GLCCI1: variants seen among roughly 807,000 people sequenced by gnomAD.
GLCCI1 encodes the protein glucocorticoid-induced transcript 1 protein.
In GLCCI1, 24 loss-of-function variants were observed where a neutral mutation model predicts 52.2. The ratio of observed to expected loss-of-function variants is 0.46; its 90% CI spans 0.33 to 0.65. The LOEUF is 0.65. Among genes scored for constraint, GLCCI1 ranks in the 30% least tolerant of loss-of-function variants. GLCCI1 has a pLI of 0.02. For missense variants in GLCCI1, 704 were observed against 701.5 expected (o/e 1.00, Z -0.04); for synonymous variants, 310 against 276.5 (o/e 1.12, Z -1.20).
intron 5 of GLCCI1, among the ~76,000 whole-genome samples, chr7:8,066,220 A>G (rs894616008): frequency 3.3e-5 from 5 of 151,926 alleles, no homozygotes; most frequent in African/African-American, 1.2e-4. Context: ...GGGTTTTTTA[A>G]TATTTCTGTG....
At chr7:8,023,949 T>C (rs1350164529) in intron 3 of GLCCI1, among the ~76,000 whole-genome samples, 1 of 152,186 alleles carries the variant, frequency 6.6e-6, no homozygotes, top group African/African-American at 2.4e-5. Context: ...AGAGCCAGTT[T>C]AATTGGTTTA....
chr7:8,064,881 G>GT (rs1315513245), intron 5 of GLCCI1, among the ~76,000 whole-genome samples: 2 of 151,636 alleles, frequency 1.3e-5, no homozygotes, highest in African/African-American at 4.8e-5. Context: ...CGAATTTTTT[G>GT]GTTTTTTTTG....
intron 3 of GLCCI1, among the ~76,000 whole-genome samples, chr7:8,028,602 T>G (rs1451509303): frequency 2.0e-5 from 3 of 151,076 alleles, no homozygotes; most frequent in African/African-American, 4.9e-5. Flanking sequence ...AGAAAAGAAA[T>G]AATAAAGATC....
At chr7:8,023,251 G>A (rs1443758909) in intron 3 of GLCCI1, among the ~76,000 whole-genome samples, 2 of 152,140 alleles carry the variant, frequency 1.3e-5, no homozygotes, top group South Asian at 2.1e-4. Flanking sequence ...TCCTGACCTC[G>A]TGATCCGCCC....
intron 6 of GLCCI1, among the ~76,000 whole-genome samples, chr7:8,079,858 A>G (rs746999435): frequency 1.2e-4 from 18 of 151,618 alleles, no homozygotes; most frequent in Non-Finnish European, 2.4e-4. Flanking sequence ...AAATGTAAGT[A>G]ATAAAAGGTT....
At chr7:8,072,751 C>T (rs945537632) in intron 6 of GLCCI1, among the ~76,000 whole-genome samples, 2 of 152,142 alleles carry the variant, frequency 1.3e-5, no homozygotes, top group African/African-American at 4.8e-5. Context: ...TGCTACTTAA[C>T]ACTTGTAACT....
Position 8,028,686 on chromosome 7 carries a change from G to T in GLCCI1, c.696+6117G>T, listed in dbSNP as rs1165975721. 2.6e-5 allele frequency among the ~76,000 whole-genome samples: 4 copies of T among 151,490 alleles called. No individual in the cohort carries two copies. The East Asian group carries it at 7.7e-4, about 29-fold the overall frequency. On this transcript the variant is annotated intron_variant, in intron 3 of 7. Coordinates refer to ENST00000223145, the MANE Select transcript of GLCCI1 (RefSeq NM_138426.4). Reference sequence around the variant, plus strand: ...GACTGAAATTAAAAGTTAGTTTTTTGAAAAGATAAAATTGACAAACCTGTA... The same window carrying T: ...GACTGAAATTAAAAGTTAGTTTTTTTAAAAGATAAAATTGACAAACCTGTA...
At chr7:8,060,067 T>C in intron 4 of GLCCI1, 29 bp from the exon 5 acceptor site, 1 of 1,576,024 alleles carries the variant, frequency 6.3e-7, no homozygotes. Flanking sequence ...CCACAAATAA[T>C]TTGATACCAC....
chr7:8,060,074 C>CCA, intron 4 of GLCCI1, 22 bp from the exon 5 acceptor site: 1 of 1,579,850 alleles, frequency 6.3e-7, no homozygotes, highest in Non-Finnish European at 8.6e-7. Context: ...TAATTTGATA[C>CCA]CACCTTTATC....
At chr7:8,085,771 C>CG (rs1280143634) in intron 7 of GLCCI1, among the ~76,000 whole-genome samples, 1 of 152,022 alleles carries the variant, frequency 6.6e-6, no homozygotes, top group Non-Finnish European at 1.5e-5. Context: ...TCTGTGCTAG[C>CG]GGAAGTCTAT....
intron 1 of GLCCI1, chr7:7,970,648 T>G (rs1329096480): frequency 1.3e-5 from 2 of 152,926 alleles, no homozygotes; most frequent in East Asian, 3.8e-4. Context: ...AGCTGGTGGA[T>G]GCTGTGGGTT....
chr7:8,017,704 G>A (rs199978065), intron 2 of GLCCI1, among the ~76,000 whole-genome samples: 4 of 152,096 alleles, frequency 2.6e-5, no homozygotes, highest in East Asian at 3.9e-4. Flanking sequence ...AAAACCTTCC[G>A]ACTTTACATA....
Position 8,086,536 on chromosome 7 carries a change from T to TA in GLCCI1, c.*4dup, listed in dbSNP as rs751454391. 4.6e-5 allele frequency: 73 copies of TA among 1,575,070 alleles called. No individual in the cohort carries two copies. The highest frequency in any genetic ancestry group is 5.9e-5 in the Non-Finnish European group (69 of 1,163,016). ...HISAQNYVII[*] is the part of the protein sequence containing the mutation. The stretch of plus-strand genomic sequence containing the variant: ...CTCTGCTCAGAACTATGTGATCATC[T>TA]AAAAAAGGGGGAGCTGGCCTCCACC... The change falls in exon 8 of 8, where the codon TAA becomes TAAA. Residue 548 remains the stop codon, a frameshift_variant and stop_retained_variant. Coordinates refer to ENST00000223145, the MANE Select transcript of GLCCI1 (RefSeq NM_138426.4). LOFTEE classifies it high-confidence loss of function. The surrounding 1 kb of genome is among the most constrained non-coding windows in gnomAD (Gnocchi z 4.4).
chr7:8,059,165 G>T (rs1319422911), intron 4 of GLCCI1, among the ~76,000 whole-genome samples: 2 of 151,842 alleles, frequency 1.3e-5, no homozygotes, highest in African/African-American at 4.8e-5. Context: ...GTTGTTCGAG[G>T]GTCAACAGTA....
intron 3 of GLCCI1, among the ~76,000 whole-genome samples, 182 bp from the exon 4 acceptor site, chr7:8,055,251 A>G (rs1484578191): frequency 6.6e-6 from 1 of 152,262 alleles, no homozygotes; most frequent in Admixed American, 6.5e-5. Context: ...TTTGTAGCAT[A>G]TATTTACTTC....
chr7:8,036,646 A>G (rs192730840), intron 3 of GLCCI1, among the ~76,000 whole-genome samples: 1 of 152,248 alleles, frequency 6.6e-6, no homozygotes, highest in African/African-American at 2.4e-5. Context: ...AAAACAATAC[A>G]AAGAAATCAG....
At chr7:7,990,840 C>G (rs1250924646) in intron 1 of GLCCI1, among the ~76,000 whole-genome samples, 1 of 152,074 alleles carries the variant, frequency 6.6e-6, no homozygotes, top group Non-Finnish European at 1.5e-5. Context: ...CTGAAGCCTT[C>G]ATTCTGTTGA....
intron 5 of GLCCI1, among the ~76,000 whole-genome samples, chr7:8,061,580 T>G (rs1212136245): frequency 1.3e-5 from 2 of 151,976 alleles, no homozygotes; most frequent in East Asian, 3.8e-4. Context: ...CATTTCATGT[T>G]AAGTTTATAA....
At chr7:8,081,928 T>G (rs1783002915) in intron 6 of GLCCI1, among the ~76,000 whole-genome samples, 1 of 152,162 alleles carries the variant, frequency 6.6e-6, no homozygotes, top group Non-Finnish European at 1.5e-5. Context: ...GCATTTAATT[T>G]TATTGACATT....
Sources: gnomAD v4.1 joint callset for allele counts (sites outside exome capture counted in the v4.1 genomes callset) on GRCh38, gnomAD v4.1.1 for gene constraint, Gnocchi (gnomAD v3.1) non-coding constraint, MANE v1.5 for transcripts, NCBI Gene and HGNC (gene_info 2026-07-23, HGNC 2026-07-21) for gene names.